The following CCNE1 variants were observed in gnomAD, a reference collection of about 807,000 sequenced individuals.
CCNE1 encodes the protein G1/S-specific cyclin-E1.
CCNE1 carries 8 observed loss-of-function variants against 54.1 expected under a neutral mutation model. The observed-to-expected ratio is 0.15, with a 90% confidence interval of 0.09 to 0.27. The LOEUF (loss-of-function observed/expected upper bound fraction) is 0.27, where lower values mean the gene tolerates loss of function less well. CCNE1 is among the 10% of genes least tolerant of loss of function. The probability of loss-of-function intolerance (pLI) is 1.00; values close to 1 mark genes in which losing one functional copy is unlikely to be tolerated. For synonymous variants in CCNE1, 179 were observed against 185.2 expected (o/e 0.97, Z 0.27); for missense variants, 430 against 514.9 (o/e 0.84, Z 1.60).
chr19:29,815,649 G>A (rs1260881300), intron 4 of CCNE1, among the ~76,000 whole-genome samples: 11 of 138,994 alleles, frequency 7.9e-5, no homozygotes, highest in Non-Finnish European at 1.2e-4. Context: ...TTGGGGGGGG[G>A]ACAGAGTCTT....
intron 4 of CCNE1, among the ~76,000 whole-genome samples, chr19:29,816,102 G>A (rs1555725225): frequency 6.7e-6 from 1 of 148,686 alleles, no homozygotes; most frequent in Non-Finnish European, 1.5e-5. Context: ...GTTGTAGTGA[G>A]CTGAGATTAC....
At chr19:29,820,006 G>A (rs1331841245) in intron 6 of CCNE1, among the ~76,000 whole-genome samples, 4 of 152,192 alleles carry the variant, frequency 2.6e-5, no homozygotes, top group Non-Finnish European at 2.9e-5. Flanking sequence ...AGCACTTCAC[G>A]GCTTCTCTTT....
intron 11 of CCNE1, 99 bp from the exon 12 acceptor site, chr19:29,823,551 GAAAAA>G: frequency 1.2e-6 from 1 of 846,796 alleles, no homozygotes; most frequent in Non-Finnish European, 1.6e-6. Flanking sequence ...TCCATCTTGA[GAAAAA>G]AAAAAAATTT....
At chr19:29,814,025 T>C (rs796795188) in intron 4 of CCNE1, among the ~76,000 whole-genome samples, 2 of 152,166 alleles carry the variant, frequency 1.3e-5, no homozygotes, top group South Asian at 4.1e-4. Context: ...TTCAACGCAG[T>C]GCGCCGTGTT....
In CCNE1 at chr19:29,822,430, GAT is replaced by G. The variant is rs1568371520; in HGVS notation, c.953-15_953-14del. On this transcript the variant is annotated splice_polypyrimidine_tract_variant and intron_variant, in intron 10 of 11. Coordinates refer to ENST00000262643, the MANE Select transcript of CCNE1 (RefSeq NM_001238.4). ...GTTGTCAGCCTCAGATTAAGCCCAC[GAT>G]GTCTTCACTGCAGGGTATCAGTGGT... The G allele has an allele frequency of 6.2e-7, 1 of 1,613,892 alleles. No homozygotes were observed. Among genetic ancestry groups the G allele is most frequent in the Admixed American group, 1.7e-5 (1 of 60,012 alleles).
rs573952445 is a variant in CCNE1, at chr19:29,812,812, C to CG, written c.111+36_111+37insG. 3.8e-4 allele frequency: 603 copies of CG among 1,583,284 alleles called. 3 individuals are homozygous for CG. The African/African-American group carries it at 7.5e-3, about 20-fold the overall frequency. ...AAGAGACAGGTTGGGGAGCATCCCC[C>CG]CCATCTCACCTGGGTACCCGACTTG... On this transcript the variant is annotated intron_variant, in intron 3 of 11. Transcript: ENST00000262643.
At chr19:29,817,020 C>A (rs1974032502) in intron 4 of CCNE1, 117 bp from the exon 5 acceptor site, 1 of 1,063,460 alleles carries the variant, frequency 9.4e-7, no homozygotes, top group East Asian at 2.5e-5. Context: ...TTTGGAAGCA[C>A]TTTCAGAAGT....
chr19:29,815,990 A>G (rs1398131873), intron 4 of CCNE1, among the ~76,000 whole-genome samples: 2 of 152,048 alleles, frequency 1.3e-5, no homozygotes, highest in East Asian at 3.9e-4. Flanking sequence ...CCCCATCTCT[A>G]CAAAAAAATA....
chr19:29,818,235 C>T (rs1044585690), intron 6 of CCNE1, among the ~76,000 whole-genome samples: 22 of 152,140 alleles, frequency 1.4e-4, no homozygotes, highest in Admixed American at 2.6e-4. Context: ...ACCGTGTTAG[C>T]CAGGATGGTC....
At chr19:29,820,670 C>G (rs2145726651) in intron 6 of CCNE1, 32 bp from the exon 7 acceptor site, 1 of 1,516,724 alleles carries the variant, frequency 6.6e-7, no homozygotes, top group Non-Finnish European at 9.0e-7. Flanking sequence ...GTAAAACTTA[C>G]TTGTGCTAAA....
intron 6 of CCNE1, among the ~76,000 whole-genome samples, chr19:29,817,865 T>TTTC (rs979165530): frequency 6.9e-6 from 1 of 143,918 alleles, no homozygotes; most frequent in Admixed American, 7.0e-5. Context: ...TGCTTTTTTT[T>TTTC]TTTTTTTTTT....
In CCNE1 at chr19:29,824,109, C is replaced by T. The variant is rs3218073; in HGVS notation, c.*332C>T. 4,694 of 289,518 alleles carry T rather than the reference C, an allele frequency of 0.016. 295 individuals are homozygous for T. The highest frequency in any genetic ancestry group is 0.14 in the East Asian group (2,757 of 19,520). 17.9% of individuals were successfully genotyped at this position (289,518 alleles called of 1,614,324 possible). ...TGTGGAGGGCCACGGTGGCGTGGCT[C>T]TCCTCGCAGGTGTTCTGGGCTCCGT... On this transcript the variant is annotated 3_prime_UTR_variant, in exon 12 of 12. Coordinates refer to ENST00000262643, the MANE Select transcript of CCNE1 (RefSeq NM_001238.4).
chr19:29,820,196 A>G (rs996002752), intron 6 of CCNE1, among the ~76,000 whole-genome samples: 4 of 152,186 alleles, frequency 2.6e-5, no homozygotes, highest in African/African-American at 9.7e-5. Flanking sequence ...GGGCAAGGGG[A>G]TGATTCACAT....
In CCNE1 at chr19:29,821,696, T is replaced by TA. The variant is rs529302338; in HGVS notation, c.610-25dup. The TA allele has an allele frequency of 1.4e-4, 186 of 1,347,868 alleles. 1 individual carries two copies. The South Asian group carries it at 2.1e-3, about 15-fold the overall frequency. The allele number at this position is 1,347,868 out of a possible 1,614,324, so 83.5% of individuals were successfully genotyped here. Reference sequence around the variant, plus strand: ...GACTGTTAGAGATTGGCTTTGGTGCTAGTGCCATCTTTTATTTCCTTTCAG... The same window carrying TA: ...GACTGTTAGAGATTGGCTTTGGTGCTAAGTGCCATCTTTTATTTCCTTTCAG... On this transcript the variant is annotated intron_variant, in intron 7 of 11. Coordinates refer to ENST00000262643, the MANE Select transcript of CCNE1 (RefSeq NM_001238.4).
chr19:29,823,553 A>G (rs1041280153), intron 11 of CCNE1, 102 bp from the exon 12 acceptor site: 674 of 1,043,836 alleles, frequency 6.5e-4, no homozygotes, highest in South Asian at 1.5e-3. Flanking sequence ...CATCTTGAGA[A>G]AAAAAAAAAA....
chr19:29,823,551 GAAA>G (rs889643536), intron 11 of CCNE1, 101 bp from the exon 12 acceptor site: 2 of 846,794 alleles, frequency 2.4e-6, no homozygotes, highest in Non-Finnish European at 1.6e-6. Flanking sequence ...TCCATCTTGA[GAAA>G]AAAAAAAAAT....
At chr19:29,817,054 G>A in intron 4 of CCNE1, 83 bp from the exon 5 acceptor site, 1 of 1,358,182 alleles carries the variant, frequency 7.4e-7, no homozygotes, top group South Asian at 1.3e-5. Context: ...TTACTGAGTT[G>A]CAGGTGAATT....
At chr19:29,818,680 A>C (rs1190808300) in intron 6 of CCNE1, among the ~76,000 whole-genome samples, 2 of 146,846 alleles carry the variant, frequency 1.4e-5, no homozygotes, top group Non-Finnish European at 2.9e-5. Flanking sequence ...CTGTAATCCC[A>C]GCACTTTGGA....
Position 29,812,685 on chromosome 19 carries a change from A to G in CCNE1, c.24-4A>G. ...ACCCGGCCCGGTGCCACCCGGGTCC[A>G]CAGGGATGCGAAGGAGCGGGACACC... On this transcript the variant is annotated splice_region_variant and splice_polypyrimidine_tract_variant and intron_variant, in intron 2 of 11. Transcript: ENST00000262643. The G allele has an allele frequency of 1.3e-6, 2 of 1,583,654 alleles. No individual in the cohort carries two copies. Among genetic ancestry groups the G allele is most frequent in the Non-Finnish European group, 1.7e-6 (2 of 1,167,050 alleles).
Sources: gnomAD v4.1 joint callset for allele counts (sites outside exome capture counted in the v4.1 genomes callset) on GRCh38, gnomAD v4.1.1 for gene constraint, MANE v1.5 for transcripts, NCBI Gene and HGNC (gene_info 2026-07-23, HGNC 2026-07-21) for gene names.